The following PIBF1 variants were observed in gnomAD, a reference collection of about 807,000 sequenced individuals.
The protein encoded by PIBF1 is progesterone-induced-blocking factor 1.
PIBF1 carries 90 observed loss-of-function variants against 112.5 expected under a neutral mutation model. That is an observed-to-expected ratio of 0.80 (90% CI 0.67 to 0.95). The LOEUF (loss-of-function observed/expected upper bound fraction) is 0.95. PIBF1 is among the 40% of genes least tolerant of loss of function. PIBF1 has a pLI of 0.00. For synonymous variants in PIBF1, 301 were observed against 288.6 expected, an observed-to-expected ratio of 1.04 and a Z score of -0.44; for missense variants, 915 against 852.3, an observed-to-expected ratio of 1.07 and a Z score of -0.92.
At chr13:72,893,094 A>G (rs556523287) in intron 10 of PIBF1, among the ~76,000 whole-genome samples, 1 of 152,308 alleles carries the variant, frequency 6.6e-6, no homozygotes, top group East Asian at 1.9e-4. Flanking sequence ...GAAAAGATAC[A>G]GTGTATGTGT....
chr13:72,915,038 T>A (rs11839711), intron 12 of PIBF1, among the ~76,000 whole-genome samples: 29,894 of 152,158 alleles, frequency 0.2, 3,078 homozygotes, highest in East Asian at 0.27. Flanking sequence ...AATACATTTT[T>A]AAAAATACAA....
At chr13:72,959,954 A>G (rs903500873) in intron 14 of PIBF1, among the ~76,000 whole-genome samples, 6 of 152,182 alleles carry the variant, frequency 3.9e-5, no homozygotes, top group Non-Finnish European at 7.4e-5. Flanking sequence ...AATAGTAATT[A>G]TTATAGGTAC....
intron 10 of PIBF1, chr13:72,884,539 A>G (rs1437867351): frequency 6.6e-6 from 1 of 152,096 alleles, no homozygotes; most frequent in Non-Finnish European, 1.5e-5. Context: ...ACATTTCTTC[A>G]AAATAATAAT....
chr13:72,981,112 G>A (rs1401742738), intron 16 of PIBF1, among the ~76,000 whole-genome samples: 1 of 151,824 alleles, frequency 6.6e-6, no homozygotes, highest in African/African-American at 2.4e-5. Flanking sequence ...GGGCGTGGTG[G>A]CAGACACCCG....
intron 16 of PIBF1, among the ~76,000 whole-genome samples, chr13:72,995,545 T>A (rs994492116): frequency 8.5e-5 from 13 of 152,166 alleles, no homozygotes; most frequent in Non-Finnish European, 1.9e-4. Context: ...AAATGGTCTC[T>A]TCAGTACATG....
At chr13:73,006,715 A>G (rs2044043652) in intron 17 of PIBF1, among the ~76,000 whole-genome samples, 1 of 152,240 alleles carries the variant, frequency 6.6e-6, no homozygotes, top group East Asian at 1.9e-4. Flanking sequence ...TTTATCAGTC[A>G]TCATTCTTTC....
intron 14 of PIBF1, 100 bp from the exon 15 acceptor site, chr13:72,965,174 G>A (rs1201307862): frequency 1.9e-6 from 2 of 1,065,056 alleles, no homozygotes; most frequent in Non-Finnish European, 2.8e-6. Flanking sequence ...AATAATTCAT[G>A]TCAAAGGAAT....
chr13:72,813,688 G>A (rs550826079), intron 5 of PIBF1, among the ~76,000 whole-genome samples: 3 of 152,266 alleles, frequency 2.0e-5, no homozygotes, highest in Non-Finnish European at 2.9e-5. Flanking sequence ...AAACTCAGGC[G>A]AAACTTAAAG....
intron 10 of PIBF1, among the ~76,000 whole-genome samples, chr13:72,892,743 C>T (rs997597668): frequency 6.6e-6 from 1 of 150,818 alleles, no homozygotes; most frequent in Non-Finnish European, 1.5e-5. Context: ...ACTCACATTT[C>T]TTCTCCCTAG....
chr13:72,983,353 G>A (rs2043199362), intron 16 of PIBF1, among the ~76,000 whole-genome samples: 1 of 152,094 alleles, frequency 6.6e-6, no homozygotes. Flanking sequence ...TCCTCTCATT[G>A]CAGTGTTTTT....
At chr13:72,861,955 A>G (rs1312159794) in intron 10 of PIBF1, among the ~76,000 whole-genome samples, 2 of 152,212 alleles carry the variant, frequency 1.3e-5, no homozygotes, top group Admixed American at 6.5e-5. Context: ...GGAGTTCCAG[A>G]AAACCATGTT....
chr13:72,802,844 G>T (rs1164771495), intron 5 of PIBF1, among the ~76,000 whole-genome samples: 1 of 151,778 alleles, frequency 6.6e-6, no homozygotes, highest in East Asian at 1.9e-4. Context: ...CACAGCTTGA[G>T]CTCCAGGGCA....
At chr13:72,947,833 A>C (rs937575754) in intron 14 of PIBF1, among the ~76,000 whole-genome samples, 5 of 152,184 alleles carry the variant, frequency 3.3e-5, no homozygotes, top group African/African-American at 4.8e-5. Context: ...CTTGGAACCA[A>C]CCCAAATGCT....
intron 10 of PIBF1, among the ~76,000 whole-genome samples, chr13:72,885,302 A>G (rs1005999524): frequency 6.6e-6 from 1 of 151,996 alleles, no homozygotes; most frequent in Non-Finnish European, 1.5e-5. Flanking sequence ...TCTTTTACGG[A>G]CACCTAAACC....
chr13:72,924,164 C>T (rs968139822), intron 13 of PIBF1, among the ~76,000 whole-genome samples: 1 of 152,112 alleles, frequency 6.6e-6, no homozygotes, highest in African/African-American at 2.4e-5. Flanking sequence ...AAATCACTCA[C>T]CAAAGCAATA....
chr13:72,859,936 G>A (rs1356256134), intron 10 of PIBF1, among the ~76,000 whole-genome samples: 2 of 152,122 alleles, frequency 1.3e-5, no homozygotes, highest in South Asian at 2.1e-4. Context: ...TATTTTAAGC[G>A]TTCACATATG....
rs1176079981 is a variant in PIBF1 at position 73,010,810 on chromosome 13, C to CTTTTTTTTTTTTTTTTTTTTTTTTT, written c.2224-5053_2224-5029dup. Among the ~76,000 whole-genome samples, 4 of 40,304 alleles carry CTTTTTTTTTTTTTTTTTTTTTTTTT rather than the reference C, an allele frequency of 9.9e-5. 1 individual carries two copies. Among genetic ancestry groups the CTTTTTTTTTTTTTTTTTTTTTTTTT allele is most frequent in the African/African-American group, 1.9e-4 (2 of 10,460 alleles). The allele number at this position is 40,304 out of a possible 152,430, so 26.4% of individuals were successfully genotyped here. A position where few individuals can be genotyped will look rare whatever the true frequency, so the allele number is the denominator to read the frequency against. On this transcript the variant is annotated intron_variant, in intron 17 of 17. Transcript: ENST00000326291. ...CTGAGCTGGAAAATCATTAACTTTT[C>CTTTTTTTTTTTTTTTTTTTTTTTTT]TTTTTTTTTTTTTTTTTTTTTTTTT... is the stretch of plus-strand genomic sequence containing the variant.
At chr13:72,805,508 A>G (rs2035688074) in intron 5 of PIBF1, among the ~76,000 whole-genome samples, 1 of 152,260 alleles carries the variant, frequency 6.6e-6, no homozygotes, top group East Asian at 1.9e-4. Context: ...AAAGATCTTC[A>G]TAAAGTGATT....
At chr13:72,793,204 A>C (rs1437963905) in intron 3 of PIBF1, among the ~76,000 whole-genome samples, 1 of 152,220 alleles carries the variant, frequency 6.6e-6, no homozygotes, top group African/African-American at 2.4e-5. Context: ...AAATCAAATC[A>C]TACCTCTGTA....
Sources: gnomAD v4.1 joint callset for allele counts (sites outside exome capture counted in the v4.1 genomes callset) on GRCh38, gnomAD v4.1.1 for gene constraint, MANE v1.5 for transcripts, NCBI Gene and HGNC (gene_info 2026-07-23, HGNC 2026-07-21) for gene names.